The following PTPRN2 variants were observed in gnomAD, a reference collection of about 807,000 sequenced individuals.
The protein encoded by PTPRN2 is protein tyrosine phosphatase receptor type N2, also known as receptor-type tyrosine-protein phosphatase N2.
PTPRN2 carries 74 observed loss-of-function variants against 118.8 expected under a neutral mutation model. The observed-to-expected ratio is 0.62, with a 90% CI of 0.52 to 0.76. PTPRN2 has a LOEUF of 0.76. Ranked by LOEUF, PTPRN2 falls within the 30% of genes least tolerant of loss-of-function variation. The probability of loss-of-function intolerance (pLI) is 0.00; values close to 1 mark genes in which losing one functional copy is unlikely to be tolerated. For missense variants in PTPRN2, 1,481 were observed against 1,394.4 expected, an observed-to-expected ratio of 1.06 and a Z score of -0.99; for synonymous variants, 641 against 608.0, an observed-to-expected ratio of 1.05 and a Z score of -0.80.
intron 2 of PTPRN2, among the ~76,000 whole-genome samples, chr7:158,442,083 T>C (rs1302086284): frequency 2.7e-5 from 4 of 150,514 alleles, no homozygotes; most frequent in African/African-American, 9.9e-5. Context: ...GCAGTGGTGG[T>C]GATGGTGATA....
At chr7:157,988,098 A>G (rs1803948024) in intron 11 of PTPRN2, among the ~76,000 whole-genome samples, 1 of 152,172 alleles carries the variant, frequency 6.6e-6, no homozygotes, top group Non-Finnish European at 1.5e-5. Context: ...GCAGACGGAG[A>G]GGAGAAGCTG....
chr7:158,344,674 T>C (rs543825513), intron 2 of PTPRN2, among the ~76,000 whole-genome samples: 1 of 151,848 alleles, frequency 6.6e-6, no homozygotes, highest in East Asian at 1.9e-4. Context: ...CAAGTGAGGC[T>C]GTGTTGCTGG....
Position 157,951,632 on chromosome 7 carries a change from C to T in PTPRN2, c.1724-52895G>A, listed in dbSNP as rs186027074. ...GGAAACGCCTTACTAAACGATGTTC[C>T]CGTGATCAGAATCACGGGCTAACGT... On this transcript the variant is annotated intron_variant, in intron 11 of 22. Coordinates refer to ENST00000389418, the MANE Select transcript of PTPRN2 (RefSeq NM_002847.5). Among the ~76,000 whole-genome samples the T allele has an allele frequency of 4.6e-5, 7 of 152,344 alleles. No individual in the cohort carries two copies. The East Asian group carries it at 9.7e-4, about 21-fold the overall frequency.
At chr7:158,064,213 C>G (rs78285632) in intron 11 of PTPRN2, among the ~76,000 whole-genome samples, 4,220 of 152,288 alleles carry the variant, frequency 0.028, 81 homozygotes, top group East Asian at 0.076. Context: ...ACAGGCATCC[C>G]GAGCAAGTTG....
At chr7:157,853,547 T>C (rs953138254) in intron 12 of PTPRN2, among the ~76,000 whole-genome samples, 1 of 151,030 alleles carries the variant, frequency 6.6e-6, no homozygotes, top group African/African-American at 2.4e-5. Context: ...CCCGTGACCC[T>C]TTCTCCCAGG....
At chr7:158,183,641 A>G (rs1454488570) in intron 5 of PTPRN2, among the ~76,000 whole-genome samples, 1 of 152,078 alleles carries the variant, frequency 6.6e-6, no homozygotes, top group Non-Finnish European at 1.5e-5. Context: ...TATATTCTCC[A>G]CTGCTCCCTA....
intron 5 of PTPRN2, among the ~76,000 whole-genome samples, chr7:158,187,860 G>A (rs906205544): frequency 1.1e-4 from 16 of 152,186 alleles, no homozygotes; most frequent in Admixed American, 7.9e-4. Flanking sequence ...CTGTGAGGCC[G>A]ACCATCGTGT....
rs183816651 is a variant in PTPRN2, at chr7:157,881,287, C to T, written c.1788+17386G>A. Among the ~76,000 whole-genome samples, 233 of 146,030 alleles carry T rather than the reference C, an allele frequency of 1.6e-3. No homozygotes were observed. The highest frequency in any genetic ancestry group is 5.8e-3 in the African/African-American group (209 of 36,340). ...ATGGGGGTGTTTACAGGAGTCATTA[C>T]AGTAAAATGTGGTCATCAGGGTGAG... is the stretch of plus-strand genomic sequence containing the variant. On this transcript the variant is annotated intron_variant, in intron 12 of 22. Transcript: ENST00000389418. This position sits in a 1 kb window ranked among gnomAD's most constrained non-coding sequence, Gnocchi z 4.7.
chr7:157,890,662 T>C (rs181501045), intron 12 of PTPRN2, among the ~76,000 whole-genome samples: 2 of 152,240 alleles, frequency 1.3e-5, no homozygotes, highest in African/African-American at 2.4e-5. Flanking sequence ...AACAAAATAA[T>C]AGGACTTTAG....
rs1260136981 is a variant in PTPRN2 at position 157,580,808 on chromosome 7, A to C, written c.2497-2668T>G. Among the ~76,000 whole-genome samples, 7 of 118,244 alleles carry C rather than the reference A, an allele frequency of 5.9e-5. No individual in the cohort carries two copies. In the Admixed American group the frequency reaches 6.1e-4, roughly 10 times the overall value. The allele number at this position is 118,244 out of a possible 152,430, so 77.6% of individuals were successfully genotyped here. ...AGCCCCTGCACACCCCAGCACCTGCACACCCCAGCACCTGCACACCCCAGC... is the reference window on the plus strand; with the variant it reads ...AGCCCCTGCACACCCCAGCACCTGCCCACCCCAGCACCTGCACACCCCAGC... On this transcript the variant is annotated intron_variant, in intron 17 of 22. Transcript: ENST00000389418.
intron 12 of PTPRN2, among the ~76,000 whole-genome samples, chr7:157,769,652 C>A (rs561777746): frequency 7.9e-5 from 12 of 152,306 alleles, no homozygotes; most frequent in Non-Finnish European, 1.3e-4. Context: ...AAAACACACC[C>A]ACACATCTTC....
At chr7:158,097,913 TC>T (rs1245381457) in intron 10 of PTPRN2, among the ~76,000 whole-genome samples, 4 of 152,180 alleles carry the variant, frequency 2.6e-5, no homozygotes, top group African/African-American at 9.7e-5. Context: ...CCGCCTCTTT[TC>T]CTTTCCCGGA....
chr7:157,987,125 A>C lies in PTPRN2; in HGVS notation c.1724-88388T>G, dbSNP rs1803861835. On this transcript the variant is annotated intron_variant, in intron 11 of 22. Transcript: ENST00000389418. The surrounding 1 kb of genome is among the most constrained non-coding windows in gnomAD (Gnocchi z 4.3). ...TGAAGGTCACAGCCAGCCATGAAAC[A>C]GCTGCACTGCCCCAGCACGCCGCCC... Among the ~76,000 whole-genome samples the C allele has an allele frequency of 6.6e-6, 1 of 152,172 alleles. No homozygotes were observed.
intron 2 of PTPRN2, among the ~76,000 whole-genome samples, chr7:158,404,329 G>C (rs1260144118): frequency 6.6e-6 from 1 of 152,166 alleles, no homozygotes; most frequent in Non-Finnish European, 1.5e-5. Context: ...AGACTTTGAT[G>C]GGAGGATGCT....
At chr7:157,883,030 A>G (rs1244257465) in intron 12 of PTPRN2, among the ~76,000 whole-genome samples, 1 of 151,354 alleles carries the variant, frequency 6.6e-6, no homozygotes, top group Non-Finnish European at 1.5e-5. Context: ...TGACACCACA[A>G]AAATGACTGT....
chr7:157,806,927 A>G (rs1387127348), intron 12 of PTPRN2, among the ~76,000 whole-genome samples: 1 of 152,236 alleles, frequency 6.6e-6, no homozygotes, highest in Non-Finnish European at 1.5e-5. Context: ...CACCAAGCTC[A>G]GGGGCTGCCC....
chr7:158,042,303 C>T (rs1443710520), intron 11 of PTPRN2, among the ~76,000 whole-genome samples: 1 of 152,182 alleles, frequency 6.6e-6, no homozygotes, highest in Non-Finnish European at 1.5e-5. Context: ...TGACTCTTCC[C>T]CAGCAGAGGG....
intron 5 of PTPRN2, among the ~76,000 whole-genome samples, chr7:158,176,027 G>A (rs528889248): frequency 2.1e-4 from 32 of 151,728 alleles, no homozygotes; most frequent in Admixed American, 1.3e-3. Context: ...GCCCTGCTCC[G>A]AGACTCGCAA....
intron 11 of PTPRN2, among the ~76,000 whole-genome samples, chr7:157,909,391 G>A (rs1056340434): frequency 6.6e-5 from 10 of 152,216 alleles, no homozygotes; most frequent in African/African-American, 1.4e-4. Flanking sequence ...TACACTGGGG[G>A]GGGGAGGATG....
Sources: allele counts gnomAD v4.1 joint callset (sites outside exome capture counted in the v4.1 genomes callset), GRCh38; gene constraint gnomAD v4.1.1; non-coding constraint Gnocchi (gnomAD v3.1); transcripts MANE v1.5; gene names NCBI Gene and HGNC (gene_info 2026-07-23, HGNC 2026-07-21).